CLTC: variants seen among roughly 807,000 people sequenced by gnomAD.
CLTC encodes clathrin heavy chain, also known as clathrin heavy chain 1.
A neutral mutation model predicts 195.8 loss-of-function variants in CLTC; 16 were observed. The ratio of observed to expected loss-of-function variants is 0.08; its 90% CI spans 0.06 to 0.12. The LOEUF (loss-of-function observed/expected upper bound fraction) is 0.12, where lower values mean the gene tolerates loss of function less well. CLTC is among the 10% of genes least tolerant of loss of function. CLTC has a pLI of 1.00. For synonymous variants in CLTC, 667 were observed against 689.4 expected (o/e 0.97, Z 0.51); for missense variants, 796 against 2,027.0 (o/e 0.39, Z 11.66).
At chr17:59,679,165 A>C (rs540251754) in intron 17 of CLTC, among the ~76,000 whole-genome samples, 16 of 152,304 alleles carry the variant, frequency 1.1e-4, no homozygotes, top group African/African-American at 3.6e-4. Flanking sequence ...CAGCTAGTAA[A>C]ACACTGAAAA....
intron 13 of CLTC, among the ~76,000 whole-genome samples, chr17:59,668,091 CTTAATAGCCACATGTGT>C (rs990338402): frequency 3.3e-5 from 5 of 152,310 alleles, no homozygotes; most frequent in Middle Eastern, 3.4e-3. Flanking sequence ...ATTTCAAGTG[CTTAATAGCCACATGTGT>C]TTAGTGGCTA....
At chr17:59,660,620 C>T (rs1289743234) in intron 7 of CLTC, 32 bp downstream of exon 7, 1 of 1,585,190 alleles carries the variant, frequency 6.3e-7, no homozygotes, top group African/African-American at 1.3e-5. Context: ...GTTGTCATGA[C>T]ATTAATCCAT....
At chr17:59,655,565 C>CT (rs147787850) in intron 5 of CLTC, among the ~76,000 whole-genome samples, 27,891 of 152,150 alleles carry the variant, frequency 0.18, 3,453 homozygotes, top group East Asian at 0.45. Context: ...AAAGATTCAT[C>CT]TGCACTGCAA....
intron 1 of CLTC, among the ~76,000 whole-genome samples, chr17:59,621,257 C>T (rs1280503842): frequency 6.6e-6 from 1 of 152,180 alleles, no homozygotes; most frequent in South Asian, 2.1e-4. Flanking sequence ...TGTCACCAAT[C>T]CTGTTTTTTA....
In CLTC at chr17:59,647,432, G is replaced by A; in HGVS notation, c.285G>A (p.Met95Ile). 6.2e-7 allele frequency: 1 copy of A among 1,613,054 alleles called. No homozygotes were observed. Reference protein sequence around the residue: ...GKTLQIFNIEMKSKMKAHTMT... With the variant: ...GKTLQIFNIEIKSKMKAHTMT... ...CTCTTCAGATTTTTAACATTGAAATGAAAAGTAAAATGAAGGCTCATACCA... is the reference window on the plus strand; with the variant it reads ...CTCTTCAGATTTTTAACATTGAAATAAAAAGTAAAATGAAGGCTCATACCA... Residue 95 changes from methionine to isoleucine, a missense_variant, in exon 3 of 32, where the codon ATG becomes ATA. This residue lies in a region of CLTC where 293 missense variants were observed against 795.6 expected (regional missense o/e 0.37). Transcript: ENST00000269122.
chr17:59,663,982 A>G lies in CLTC; in HGVS notation c.1509A>G (p.Leu503=), dbSNP rs564690972. 6.2e-7 allele frequency: 1 copy of G among 1,612,380 alleles called. No homozygotes were observed. Among genetic ancestry groups the G allele is most frequent in the Non-Finnish European group, 8.5e-7 (1 of 1,179,436 alleles). ...AETGQVQKIV[L]YAKKVGYTPD... ...CAGGTCAAGTCCAAAAGATTGTTTT[A>G]TATGCTAAAAAAGTGAGTTCAATGA... is the stretch of plus-strand genomic sequence containing the variant. Residue 503 remains leucine (L), a synonymous_variant, in exon 9 of 32, where the codon TTA becomes TTG. Transcript: ENST00000269122.
intron 16 of CLTC, among the ~76,000 whole-genome samples, chr17:59,675,959 G>A (rs1045161059): frequency 2.0e-5 from 3 of 152,198 alleles, no homozygotes; most frequent in Admixed American, 6.5e-5. Context: ...CCTAATGGGA[G>A]GGTTCATAAT....
In CLTC at chr17:59,620,105, G is replaced by C. The variant is rs1567918482; in HGVS notation, c.-27G>C. On this transcript the variant is annotated 5_prime_UTR_variant, in exon 1 of 32. Coordinates refer to ENST00000269122, the MANE Select transcript of CLTC (RefSeq NM_004859.4). ...CACTGCCCCGCAGCCCCAGTGACAG[G>C]AGGAGACCATAACCCCCGACAGCGC... 6.2e-7 allele frequency: 1 copy of C among 1,613,796 alleles called. No individual in the cohort carries two copies. The highest frequency in any genetic ancestry group is 1.7e-5 in the Admixed American group (1 of 59,988).
intron 1 of CLTC, among the ~76,000 whole-genome samples, chr17:59,637,814 C>A (rs1376508131): frequency 6.6e-6 from 1 of 151,610 alleles, no homozygotes; most frequent in Admixed American, 6.6e-5. Context: ...TTTCAGCCAA[C>A]CTATGGACAG....
At position 59,685,545 on chromosome 17, in the gene CLTC, G is replaced by T. The variant is rs1288030114; in HGVS notation, c.4606-42G>T. 1.3e-6 allele frequency: 2 copies of T among 1,509,422 alleles called. No individual in the cohort carries two copies. The highest frequency in any genetic ancestry group is 1.4e-5 in the African/African-American group (1 of 72,696). 93.5% of individuals were successfully genotyped at this position (1,509,422 alleles called of 1,614,324 possible). ...TTTTCTTGGTTTACTAGTTCAGTAT[G>T]TGGGGTCTAATGTTTTTGACTTTCA... is the stretch of plus-strand genomic sequence containing the variant. On this transcript the variant is annotated intron_variant, in intron 29 of 31. Transcript: ENST00000269122. The surrounding 1 kb of genome is among the most constrained non-coding windows in gnomAD (Gnocchi z 5.0).
At chr17:59,626,925 T>C (rs964953976) in intron 1 of CLTC, among the ~76,000 whole-genome samples, 1 of 152,086 alleles carries the variant, frequency 6.6e-6, no homozygotes, top group South Asian at 2.1e-4. Context: ...GGGGACAGGG[T>C]CTCACTCTGT....
At chr17:59,637,446 G>A (rs2031899027) in intron 1 of CLTC, among the ~76,000 whole-genome samples, 1 of 150,600 alleles carries the variant, frequency 6.6e-6, no homozygotes, top group Admixed American at 6.6e-5. Context: ...GGGTTTCACT[G>A]TGTTAGCCAG....
chr17:59,626,908 G>T (rs187045125), intron 1 of CLTC, among the ~76,000 whole-genome samples: 7 of 151,696 alleles, frequency 4.6e-5, no homozygotes, highest in Non-Finnish European at 8.8e-5. Flanking sequence ...TACTTTTTTT[G>T]GGGGGTGGGG....
At chr17:59,646,915 C>T (rs2032210713) in intron 2 of CLTC, among the ~76,000 whole-genome samples, 1 of 152,166 alleles carries the variant, frequency 6.6e-6, no homozygotes, top group African/African-American at 2.4e-5. Context: ...GAAGCAGATC[C>T]TCTTTTTAAA....
intron 6 of CLTC, among the ~76,000 whole-genome samples, chr17:59,657,790 A>G (rs1007089967): frequency 8.6e-5 from 13 of 151,254 alleles, no homozygotes; most frequent in African/African-American, 2.7e-4. Context: ...AAAAAGAAGG[A>G]AAATCAAGAA....
At chr17:59,626,618 A>G (rs777343313) in intron 1 of CLTC, among the ~76,000 whole-genome samples, 1 of 152,188 alleles carries the variant, frequency 6.6e-6, no homozygotes, top group Non-Finnish European at 1.5e-5. Context: ...TTAGTCCTGT[A>G]TATTAGAATG....
intron 28 of CLTC, 112 bp downstream of exon 28, chr17:59,684,097 C>T (rs1358448471): frequency 4.6e-6 from 3 of 647,534 alleles, no homozygotes; most frequent in South Asian, 2.1e-5. Flanking sequence ...GCTTGCATAC[C>T]TAGGATCTAA....
At chr17:59,660,002 A>C (rs1528493) in intron 6 of CLTC, among the ~76,000 whole-genome samples, 27,958 of 152,086 alleles carry the variant, frequency 0.18, 3,485 homozygotes, top group East Asian at 0.45. Flanking sequence ...ATCAAGATTG[A>C]AGTCCTCAAG....
At chr17:59,680,085 A>G (rs548674104) in intron 18 of CLTC, among the ~76,000 whole-genome samples, 6 of 152,072 alleles carry the variant, frequency 3.9e-5, no homozygotes, top group Non-Finnish European at 8.8e-5. Context: ...AATACATCCC[A>G]AAAGACCTGA....
Sources: gnomAD v4.1 joint callset for allele counts (sites outside exome capture counted in the v4.1 genomes callset) on GRCh38, gnomAD v4.1.1 for gene constraint, gnomAD v4.1.1 regional missense constraint, Gnocchi (gnomAD v3.1) non-coding constraint, MANE v1.5 for transcripts, NCBI Gene and HGNC (gene_info 2026-07-23, HGNC 2026-07-21) for gene names.